C4orf50: variants seen among roughly 807,000 people sequenced by gnomAD.
C4orf50 encodes chromosome 4 open reading frame 50.
C4orf50 carries 80 observed loss-of-function variants against 77.2 expected under a neutral mutation model. That is an observed-to-expected ratio of 1.04 (90% confidence interval 0.87 to 1.25). C4orf50 has a LOEUF of 1.25. Ranked by LOEUF, C4orf50 falls within the 50% of genes most tolerant of loss-of-function variation. The probability of loss-of-function intolerance (pLI) is 0.00; values close to 1 mark genes in which losing one functional copy is unlikely to be tolerated. For synonymous variants in C4orf50, 532 were observed against 465.3 expected (o/e 1.14, Z -1.84); for missense variants, 1,257 against 1,152.9 (o/e 1.09, Z -1.31).
chr4:5,961,739 A>G (rs1719289628), intron 33 of C4orf50, among the ~76,000 whole-genome samples: 1 of 152,230 alleles, frequency 6.6e-6, no homozygotes, highest in Admixed American at 6.5e-5. Flanking sequence ...CTAATGATAT[A>G]GAGGGCGAAA....
Position 5,932,247 on chromosome 4 carries a change from C to T in C4orf50, c.*2474+24654G>A, listed in dbSNP as rs1717800277. On this transcript the variant is annotated intron_variant, in intron 7 of 7. Transcript: ENST00000324058. The surrounding 1 kb of genome is among the most constrained non-coding windows in gnomAD (Gnocchi z 4.2). ...CACAGAGCAGAAGCGTGTCGCATTT[C>T]TACTCTGGCACACTCTTTCCTTGGC... Among the ~76,000 whole-genome samples the T allele has an allele frequency of 6.6e-6, 1 of 151,638 alleles. No homozygotes were observed. Among genetic ancestry groups the T allele is most frequent in the South Asian group, 2.1e-4 (1 of 4,798 alleles).
intron 32 of C4orf50, 116 bp downstream of exon 10, chr4:5,967,298 T>A: frequency 1.2e-6 from 1 of 821,462 alleles, no homozygotes; most frequent in Non-Finnish European, 2.1e-6. Flanking sequence ...CCTGTTCCTT[T>A]TAGTAGCATG....
downstream of C4orf50, among the ~76,000 whole-genome samples, chr4:5,954,123 A>G (rs1718845406): frequency 1.3e-5 from 2 of 152,320 alleles, 1 homozygote; most frequent in Middle Eastern, 6.8e-3. The surrounding 1 kb of genome is among the most constrained non-coding windows in gnomAD (Gnocchi z 4.7). Context: ...GGCTCCCAGG[A>G]CAGCAGCAGC....
intron 29 of C4orf50, among the ~76,000 whole-genome samples, chr4:5,979,407 G>A (rs547225671): frequency 2.6e-5 from 4 of 152,300 alleles, no homozygotes; most frequent in African/African-American, 4.8e-5. Flanking sequence ...AATGCCACAA[G>A]ATTCTTAATT....
chr4:5,989,730 G>C, exon 28 of C4orf50: 3 of 1,535,314 alleles, frequency 2.0e-6, no homozygotes, highest in Non-Finnish European at 2.6e-6. Context: ...AGGCAAATCT[G>C]GGAAACAGTG....
chr4:6,010,821 A>G (rs1305756716), intron 24 of C4orf50, among the ~76,000 whole-genome samples: 1 of 152,230 alleles, frequency 6.6e-6, no homozygotes, highest in Non-Finnish European at 1.5e-5. Context: ...TCCCCTGGAA[A>G]ATTTTAGTAA....
exon 34 of C4orf50, chr4:5,957,479 A>G (rs1386092552): frequency 6.6e-6 from 1 of 152,118 alleles, no homozygotes; most frequent in Non-Finnish European, 1.5e-5. Context: ...TCCTGCTTGG[A>G]AATTATAGGG....
chr4:5,977,226 C>G (rs1720340463), intron 29 of C4orf50, among the ~76,000 whole-genome samples: 1 of 152,192 alleles, frequency 6.6e-6, no homozygotes, highest in Non-Finnish European at 1.5e-5. Context: ...CGAGTCCTAT[C>G]TGAATTCTGG....
In C4orf50 at chr4:6,007,105, C is replaced by CA. The variant is rs1287195006; in HGVS notation, c.963+890dup. Among the ~76,000 whole-genome samples the CA allele has an allele frequency of 5.9e-5, 9 of 152,086 alleles. No individual in the cohort carries two copies. Among genetic ancestry groups the CA allele is most frequent in the Admixed American group, 5.2e-4 (8 of 15,270 alleles). Reference sequence around the variant, plus strand: ...AGATGGATGGACAAGAGTGAGTGGACAATAAGGGATACAAGGTGGCTGGTT... The same window carrying CA: ...AGATGGATGGACAAGAGTGAGTGGACAAATAAGGGATACAAGGTGGCTGGTT... On this transcript the variant is annotated intron_variant, in intron 25 of 33. Coordinates refer to ENST00000531445, the Ensembl canonical transcript of C4orf50. The surrounding 1 kb of genome is among the most constrained non-coding windows in gnomAD (Gnocchi z 4.1).
intron 7 of C4orf50, chr4:5,904,622 A>T (rs936556239): frequency 5.9e-5 from 9 of 152,138 alleles, no homozygotes; most frequent in Non-Finnish European, 1.3e-4. Flanking sequence ...CCGTCTCTGG[A>T]TTTCCGGACA....
At chr4:5,955,255 GC>G (rs1479032241), downstream of C4orf50, among the ~76,000 whole-genome samples, 3 of 152,116 alleles carry the variant, frequency 2.0e-5, no homozygotes, top group African/African-American at 7.2e-5. This position sits in a 1 kb window ranked among gnomAD's most constrained non-coding sequence, Gnocchi z 5.1. Flanking sequence ...CCTTACCACG[GC>G]CCTTGGAGGC....
intron 7 of C4orf50, among the ~76,000 whole-genome samples, chr4:5,915,856 G>T (rs111949500): frequency 6.6e-6 from 1 of 152,184 alleles, no homozygotes; most frequent in South Asian, 2.1e-4. Context: ...CTCAATCCAG[G>T]TTACTTCCCT....
chr4:5,959,607 G>C, exon 34 of C4orf50: 5 of 1,613,464 alleles, frequency 3.1e-6, no homozygotes, highest in Non-Finnish European at 3.4e-6. Context: ...ATCAAGCGTG[G>C]ACACCAAGGA....
rs1245609361 is a variant in C4orf50, at chr4:5,992,672, C to T, written c.1221+131G>A. On this transcript the variant is annotated intron_variant, in intron 27 of 33. Coordinates refer to ENST00000531445, the Ensembl canonical transcript of C4orf50. This position sits in a 1 kb window ranked among gnomAD's most constrained non-coding sequence, Gnocchi z 5.0. ...CTCAAATCTCTCTCTCAACTACTTC[C>T]AGAATGTTCTCCCAGACCTGGAGCT... 1.3e-5 allele frequency: 5 copies of T among 392,852 alleles called. No individual in the cohort carries two copies. Among genetic ancestry groups the T allele is most frequent in the African/African-American group, 1.0e-4 (5 of 48,352 alleles). 24.3% of individuals were successfully genotyped at this position (392,852 alleles called of 1,614,324 possible). A position where few individuals can be genotyped will look rare whatever the true frequency, so the allele number is the denominator to read the frequency against.
At chr4:5,953,083 G>A (rs764466678), downstream of C4orf50, among the ~76,000 whole-genome samples, 21 of 152,158 alleles carry the variant, frequency 1.4e-4, no homozygotes, top group Non-Finnish European at 2.8e-4. Flanking sequence ...AGAGGCAGGA[G>A]GCTGGATGCT....
chr4:5,994,267 CATG>C (rs1577979022), intron 26 of C4orf50, 77 bp downstream of exon 4: 1 of 398,504 alleles, frequency 2.5e-6, no homozygotes, highest in East Asian at 3.6e-5. Context: ...GTCATCGGGA[CATG>C]ATAAGGAGGA....
At chr4:5,918,599 T>C (rs1717133837) in intron 7 of C4orf50, among the ~76,000 whole-genome samples, 1 of 152,168 alleles carries the variant, frequency 6.6e-6, no homozygotes. Flanking sequence ...ACCTTGCGAA[T>C]TTCAGAAGGA....
At chr4:5,898,771 G>C (rs746172941) in intron 7 of C4orf50, 4 of 151,994 alleles carry the variant, frequency 2.6e-5, no homozygotes, top group African/African-American at 4.8e-5. Flanking sequence ...CTCCTCCCTT[G>C]TTCTATCATC....
chr4:6,014,337 T>A (rs79244193), intron 23 of C4orf50, among the ~76,000 whole-genome samples: 23,505 of 152,156 alleles, frequency 0.15, 2,211 homozygotes, highest in Non-Finnish European at 0.2. Context: ...TTAATACTTG[T>A]CAAGCCTGTG....
Sources: gnomAD v4.1 joint callset for allele counts (sites outside exome capture counted in the v4.1 genomes callset) on GRCh38, gnomAD v4.1.1 for gene constraint, Gnocchi (gnomAD v3.1) non-coding constraint, MANE v1.5 for transcripts, NCBI Gene and HGNC (gene_info 2026-07-23, HGNC 2026-07-21) for gene names.